Variants in LRMDA observed in about 807,000 individuals in gnomAD.
LRMDA encodes leucine rich melanocyte differentiation associated.
A neutral mutation model predicts 29.8 loss-of-function variants in LRMDA; 18 were observed. That is an observed-to-expected ratio of 0.60 (90% CI 0.42 to 0.90). LRMDA has a LOEUF of 0.90. Among genes scored for constraint, LRMDA ranks in the 40% least tolerant of loss-of-function variants. LRMDA has a pLI of 0.00. For missense variants in LRMDA, 273 were observed against 273.9 expected (o/e 1.00, Z 0.02); for synonymous variants, 125 against 109.4 (o/e 1.14, Z -0.89).
intron 5 of LRMDA, among the ~76,000 whole-genome samples, chr10:76,062,157 A>G (rs892445706): frequency 5.9e-5 from 9 of 151,924 alleles, no homozygotes; most frequent in African/African-American, 2.2e-4. Context: ...GGGAAGACCT[A>G]TTTTTCACGA....
intron 5 of LRMDA, among the ~76,000 whole-genome samples, chr10:76,219,337 G>T (rs928664398): frequency 6.6e-6 from 1 of 151,986 alleles, no homozygotes; most frequent in Non-Finnish European, 1.5e-5. Flanking sequence ...ATAAAAATTC[G>T]AGACCCATCA....
intron 5 of LRMDA, among the ~76,000 whole-genome samples, chr10:76,137,992 A>C (rs114847734): frequency 6.6e-6 from 1 of 152,136 alleles, no homozygotes; most frequent in Admixed American, 6.5e-5. Context: ...TAGGAAGATT[A>C]TAATTTCAGG....
intron 2 of LRMDA, among the ~76,000 whole-genome samples, chr10:75,830,120 A>G (rs779198909): frequency 1.3e-5 from 2 of 152,060 alleles, no homozygotes; most frequent in Non-Finnish European, 2.9e-5. Flanking sequence ...ACTTGGGAAA[A>G]TATATCGAAC....
At chr10:76,184,432 A>G (rs1851109973) in intron 5 of LRMDA, among the ~76,000 whole-genome samples, 1 of 152,238 alleles carries the variant, frequency 6.6e-6, no homozygotes, top group African/African-American at 2.4e-5. Context: ...GCAAGAGATG[A>G]TCAATTCCAT....
intron 2 of LRMDA, among the ~76,000 whole-genome samples, chr10:75,716,562 G>A (rs1842502433): frequency 6.6e-6 from 1 of 152,246 alleles, no homozygotes; most frequent in East Asian, 1.9e-4. Context: ...AGACAAAGGG[G>A]GAACTACAAC....
intron 2 of LRMDA, among the ~76,000 whole-genome samples, chr10:75,491,763 G>T (rs56134920): frequency 6.6e-6 from 1 of 152,166 alleles, no homozygotes; most frequent in Non-Finnish European, 1.5e-5. Context: ...AGAATGTGCT[G>T]TCTTCTCCTC....
intron 5 of LRMDA, among the ~76,000 whole-genome samples, chr10:76,148,097 TG>T (rs745837016): frequency 2.0e-5 from 3 of 152,168 alleles, no homozygotes; most frequent in Non-Finnish European, 4.4e-5. Context: ...CTGCCCCTAC[TG>T]GGGGGTGCCT....
At chr10:76,150,357 C>T (rs962138363) in intron 5 of LRMDA, among the ~76,000 whole-genome samples, 3 of 152,128 alleles carry the variant, frequency 2.0e-5, no homozygotes, top group Non-Finnish European at 2.9e-5. Flanking sequence ...TGGCTCTAGC[C>T]CCACCTCACA....
At chr10:76,189,253 A>C (rs1851203489) in intron 5 of LRMDA, among the ~76,000 whole-genome samples, 1 of 152,126 alleles carries the variant, frequency 6.6e-6, no homozygotes, top group Admixed American at 6.6e-5. Flanking sequence ...GCTACTTGGG[A>C]GGCTGAGGCA....
chr10:76,239,950 A>G (rs1163686683), intron 5 of LRMDA, among the ~76,000 whole-genome samples: 2 of 152,012 alleles, frequency 1.3e-5, no homozygotes, highest in Non-Finnish European at 2.9e-5. Flanking sequence ...ATACACAAGC[A>G]TATGTCGAAT....
chr10:75,569,634 C>T (rs1271657679), intron 2 of LRMDA, among the ~76,000 whole-genome samples: 2 of 152,204 alleles, frequency 1.3e-5, no homozygotes, highest in Non-Finnish European at 1.5e-5. Context: ...TTAGCAGGTG[C>T]TATATATCAA....
intron 5 of LRMDA, among the ~76,000 whole-genome samples, chr10:76,078,857 A>C (rs1259218300): frequency 6.6e-6 from 1 of 152,068 alleles, no homozygotes; most frequent in Non-Finnish European, 1.5e-5. Flanking sequence ...AAACAAACAA[A>C]AAAAATGGAT....
intron 2 of LRMDA, among the ~76,000 whole-genome samples, chr10:75,730,348 C>T (rs1235781727): frequency 6.6e-6 from 1 of 152,106 alleles, no homozygotes; most frequent in Non-Finnish European, 1.5e-5. Flanking sequence ...AACAGATGCA[C>T]AATGGCCACG....
chr10:75,752,144 A>G (rs1275996201), intron 2 of LRMDA, among the ~76,000 whole-genome samples: 1 of 149,518 alleles, frequency 6.7e-6, no homozygotes, highest in South Asian at 2.1e-4. Flanking sequence ...ACTTAGACAT[A>G]TGATTCTGTT....
chr10:75,573,412 C>T (rs1840461685), intron 2 of LRMDA, among the ~76,000 whole-genome samples: 1 of 151,900 alleles, frequency 6.6e-6, no homozygotes, highest in African/African-American at 2.4e-5. Context: ...TCTGGAATTC[C>T]TATTAGAATG....
At chr10:76,489,644 G>A (rs979155761) in intron 6 of LRMDA, among the ~76,000 whole-genome samples, 6 of 151,786 alleles carry the variant, frequency 4.0e-5, no homozygotes, top group Non-Finnish European at 8.8e-5. Context: ...TGATATAGGA[G>A]CTTATACACT....
At chr10:75,819,664 G>A (rs955960543) in intron 2 of LRMDA, among the ~76,000 whole-genome samples, 1 of 152,118 alleles carries the variant, frequency 6.6e-6, no homozygotes, top group Admixed American at 6.6e-5. Context: ...TGTGGTTCTG[G>A]TGATGTCCTA....
intron 2 of LRMDA, among the ~76,000 whole-genome samples, chr10:75,935,929 G>T (rs965377601): frequency 6.6e-5 from 10 of 152,248 alleles, no homozygotes; most frequent in Non-Finnish European, 4.4e-5. Flanking sequence ...GATGCTTGAC[G>T]GGGCACATCA....
chr10:75,590,618 T>C (rs147691373), intron 2 of LRMDA, among the ~76,000 whole-genome samples: 11 of 151,902 alleles, frequency 7.2e-5, no homozygotes, highest in African/African-American at 2.7e-4. Context: ...TGATAACAAA[T>C]GCCTTGGAAG....
Sources: gnomAD v4.1 joint callset for allele counts (sites outside exome capture counted in the v4.1 genomes callset) on GRCh38, gnomAD v4.1.1 for gene constraint, MANE v1.5 for transcripts, NCBI Gene and HGNC (gene_info 2026-07-23, HGNC 2026-07-21) for gene names.